The following LRRC9 variants were observed in gnomAD, a reference collection of about 807,000 sequenced individuals.
LRRC9 encodes the protein leucine rich repeat containing 9.
Under a neutral mutation model 63.2 loss-of-function variants are expected in LRRC9, and 122 were observed. The observed-to-expected ratio is 1.93, with a 90% CI of 1.67 to 2.24. LRRC9 has a LOEUF of 2.24. Ranked by LOEUF, LRRC9 falls within the 30% of genes most tolerant of loss-of-function variation. The pLI, the probability that LRRC9 is intolerant of heterozygous loss-of-function variation, is 0.00. For synonymous variants in LRRC9, 366 were observed against 213.1 expected, an observed-to-expected ratio of 1.72 and a Z score of -6.25; for missense variants, 1,071 against 627.7, an observed-to-expected ratio of 1.71 and a Z score of -7.55.
Position 59,931,194 on chromosome 14 carries a change from T to C in LRRC9, c.408+136T>C, listed in dbSNP as rs540584636. 141 of 294,874 alleles carry C rather than the reference T, an allele frequency of 4.8e-4. 1 individual carries two copies. The highest frequency in any genetic ancestry group is 2.9e-3 in the African/African-American group (137 of 46,448). The allele number at this position is 294,874 out of a possible 1,614,324, so 18.3% of individuals were successfully genotyped here. ...TACAATTATTGTTGTCAAAAAGAAC[T>C]AACATGTATATAGCATTTTATAAGG... On this transcript the variant is annotated intron_variant, in intron 4 of 31. Coordinates refer to ENST00000445360, the Ensembl canonical transcript of LRRC9.
At chr14:59,987,951 A>G (rs1398188431) in intron 17 of LRRC9, among the ~76,000 whole-genome samples, 1 of 152,206 alleles carries the variant, frequency 6.6e-6, no homozygotes, top group Non-Finnish European at 1.5e-5. Context: ...ATCATTTCCC[A>G]AAGTGAGCAA....
intron 12 of LRRC9, among the ~76,000 whole-genome samples, chr14:59,968,462 A>G (rs1450855944): frequency 6.6e-6 from 1 of 152,196 alleles, no homozygotes; most frequent in Non-Finnish European, 1.5e-5. Flanking sequence ...CAATAAAAAT[A>G]TCACCTCCCC....
At chr14:59,924,224 C>T (rs1594796201) in intron 1 of LRRC9, among the ~76,000 whole-genome samples, 1 of 152,226 alleles carries the variant, frequency 6.6e-6, no homozygotes, top group Middle Eastern at 3.4e-3. Context: ...AGACTTTAAT[C>T]CAGTATATAA....
intron 23 of LRRC9, among the ~76,000 whole-genome samples, chr14:60,014,457 T>A (rs2044928928): frequency 6.6e-6 from 1 of 152,088 alleles, no homozygotes; most frequent in Non-Finnish European, 1.5e-5. Flanking sequence ...AACAGTTTGC[T>A]TAGTTTTCCT....
chr14:60,019,812 C>A (rs1248818698), intron 26 of LRRC9, among the ~76,000 whole-genome samples: 1 of 150,928 alleles, frequency 6.6e-6, no homozygotes, highest in African/African-American at 2.4e-5. Context: ...AAACCTTCTA[C>A]CTCCTTACAC....
chr14:60,058,694 C>G lies in LRRC9; in HGVS notation c.4276+672C>G, dbSNP rs1894456375. ...GTACTCCTTCTCTGAGGGCTCACCT[C>G]TTCCAGTCCTTCTGACTTCCCATTT... On this transcript the variant is annotated intron_variant, in intron 31 of 31. Transcript: ENST00000445360. This position sits in a 1 kb window ranked among gnomAD's most constrained non-coding sequence, Gnocchi z 4.4. Among the ~76,000 whole-genome samples the G allele has an allele frequency of 6.6e-6, 1 of 152,108 alleles. No homozygotes were observed. The highest frequency in any genetic ancestry group is 6.5e-5 in the Admixed American group (1 of 15,278).
chr14:59,984,917 C>A (rs1355821207), intron 16 of LRRC9, among the ~76,000 whole-genome samples, 188 bp from the exon 17 acceptor site: 1 of 152,134 alleles, frequency 6.6e-6, no homozygotes, highest in Admixed American at 6.5e-5. Flanking sequence ...AATTATTTAT[C>A]TTTTAACATC....
Position 59,936,539 on chromosome 14 carries a change from G to A in LRRC9, c.544-1851G>A, listed in dbSNP as rs1402940991. Among the ~76,000 whole-genome samples the A allele has an allele frequency of 6.6e-6, 1 of 152,118 alleles. No individual in the cohort carries two copies. The highest frequency in any genetic ancestry group is 1.5e-5 in the Non-Finnish European group (1 of 68,016). ...GTCACCTGAATTTGGAATGTAGTTG[G>A]GGGATTTCTGTGTAGGACTTCAGAG... On this transcript the variant is annotated intron_variant, in intron 6 of 31. Coordinates refer to ENST00000445360, the Ensembl canonical transcript of LRRC9. The surrounding 1 kb of genome is among the most constrained non-coding windows in gnomAD (Gnocchi z 4.2).
At chr14:60,055,663 C>T (rs752120640) in intron 30 of LRRC9, among the ~76,000 whole-genome samples, 8 of 150,124 alleles carry the variant, frequency 5.3e-5, no homozygotes, top group Non-Finnish European at 1.2e-4. Flanking sequence ...GAAGCTGAGG[C>T]AGGTGGATCA....
chr14:60,010,275 T>A (rs1305936054), intron 23 of LRRC9, among the ~76,000 whole-genome samples: 5 of 152,214 alleles, frequency 3.3e-5, no homozygotes, highest in African/African-American at 1.2e-4. Flanking sequence ...AAACCTCAAT[T>A]CTTGACTTCT....
intron 16 of LRRC9, among the ~76,000 whole-genome samples, chr14:59,983,648 G>A (rs2140110495): frequency 6.6e-6 from 1 of 152,256 alleles, no homozygotes; most frequent in South Asian, 2.1e-4. Context: ...GAAAAATTTA[G>A]TATGCCTAGA....
chr14:59,941,058 C>A (rs959916197), intron 7 of LRRC9, among the ~76,000 whole-genome samples: 10 of 150,964 alleles, frequency 6.6e-5, no homozygotes, highest in Admixed American at 2.0e-4. Flanking sequence ...TATATACTCT[C>A]AAACAAGGAC....
At chr14:60,052,422 T>C (rs1893965747) in intron 29 of LRRC9, among the ~76,000 whole-genome samples, 1 of 152,036 alleles carries the variant, frequency 6.6e-6, no homozygotes, top group Non-Finnish European at 1.5e-5. Context: ...GATGGTTACA[T>C]AGGCACACTC....
chr14:60,064,181 C>T (rs938978426), downstream of LRRC9, among the ~76,000 whole-genome samples: 1 of 152,168 alleles, frequency 6.6e-6, no homozygotes, highest in East Asian at 1.9e-4. Context: ...CTTCACTGAA[C>T]TTTTCTAAAC....
At chr14:59,928,581 G>T in intron 3 of LRRC9, 95 bp downstream of exon 3, 1 of 435,564 alleles carries the variant, frequency 2.3e-6, no homozygotes, top group Admixed American at 4.2e-5. Flanking sequence ...TAAGGCATGG[G>T]TTAAGACAGA....
In LRRC9 at chr14:60,051,956, G is replaced by C. The variant is rs1215830323; in HGVS notation, c.3991-1109G>C. On this transcript the variant is annotated intron_variant, in intron 29 of 31. Coordinates refer to ENST00000445360, the Ensembl canonical transcript of LRRC9. The surrounding 1 kb of genome is among the most constrained non-coding windows in gnomAD (Gnocchi z 4.7). ...ATTTGGCTCTGTGCCACTCCCATGT[G>C]GGCTGTCACCCCACCCTGCTTTTCT... is the stretch of plus-strand genomic sequence containing the variant. 6.6e-6 allele frequency among the ~76,000 whole-genome samples: 1 copy of C among 152,154 alleles called. No homozygotes were observed. The highest frequency in any genetic ancestry group is 6.5e-5 in the Admixed American group (1 of 15,280).
rs981400025 is a variant in LRRC9 at position 60,042,767 on chromosome 14, C to G, written c.3991-10298C>G. Reference sequence around the variant, plus strand: ...GCTGCACCTATTGTCCGACAAGCCCCAGTGAGATGAACACAGTACCTCAGT... The same window carrying G: ...GCTGCACCTATTGTCCGACAAGCCCGAGTGAGATGAACACAGTACCTCAGT... On this transcript the variant is annotated intron_variant, in intron 29 of 31. Coordinates refer to ENST00000445360, the Ensembl canonical transcript of LRRC9. This position sits in a 1 kb window ranked among gnomAD's most constrained non-coding sequence, Gnocchi z 4.2. 6.6e-6 allele frequency among the ~76,000 whole-genome samples: 1 copy of G among 152,132 alleles called. No individual in the cohort carries two copies. Among genetic ancestry groups the G allele is most frequent in the Non-Finnish European group, 1.5e-5 (1 of 68,002 alleles).
In LRRC9 at chr14:60,004,111, G is replaced by A. The variant is rs762985714; in HGVS notation, c.2842+313G>A. On this transcript the variant is annotated intron_variant, in intron 21 of 31. Coordinates refer to ENST00000445360, the Ensembl canonical transcript of LRRC9. The surrounding 1 kb of genome is among the most constrained non-coding windows in gnomAD (Gnocchi z 4.8). ...GAGTTCATACCTATTAGTGGAATTC[G>A]TGACTATTTTACTTTATATAATGAG... Among the ~76,000 whole-genome samples, 5 of 152,034 alleles carry A rather than the reference G, an allele frequency of 3.3e-5. No individual in the cohort carries two copies. Among genetic ancestry groups the A allele is most frequent in the Non-Finnish European group, 7.4e-5 (5 of 67,980 alleles).
In LRRC9 at chr14:59,966,688, TAAC is replaced by T. The variant is rs1251851311; in HGVS notation, c.1315_1317del (p.Asn439del). The T allele has an allele frequency of 2.9e-6, 2 of 698,164 alleles. No individual in the cohort carries two copies. The highest frequency in any genetic ancestry group is 2.7e-5 in the East Asian group (1 of 37,198). The allele number at this position is 698,164 out of a possible 1,614,324, so 43.2% of individuals were successfully genotyped here. A position where few individuals can be genotyped will look rare whatever the true frequency, so the allele number is the denominator to read the frequency against. ...TAAAAGTAAAACGCATCATTAAAGT[TAAC>T]AACCGTATTCTGAGACTAAAATTCG... On this transcript the variant is annotated inframe_deletion, in exon 11 of 32. Transcript: ENST00000445360. The surrounding 1 kb of genome is among the most constrained non-coding windows in gnomAD (Gnocchi z 4.0).
Sources: gnomAD v4.1 joint callset for allele counts (sites outside exome capture counted in the v4.1 genomes callset) on GRCh38, gnomAD v4.1.1 for gene constraint, Gnocchi (gnomAD v3.1) non-coding constraint, MANE v1.5 for transcripts, NCBI Gene and HGNC (gene_info 2026-07-23, HGNC 2026-07-21) for gene names.